The following NRXN3 variants were observed in gnomAD, a reference collection of about 807,000 sequenced individuals.
NRXN3 encodes neurexin 3.
Under a neutral mutation model 137.6 loss-of-function variants are expected in NRXN3, and 32 were observed. That is an observed-to-expected ratio of 0.23 (90% CI 0.18 to 0.31). The LOEUF (loss-of-function observed/expected upper bound fraction) is 0.31, where lower values mean the gene tolerates loss of function less well. Among genes scored for constraint, NRXN3 ranks in the 10% least tolerant of loss-of-function variants. NRXN3 has a pLI of 1.00. For synonymous variants in NRXN3, 798 were observed against 784.5 expected, an observed-to-expected ratio of 1.02 and a Z score of -0.29; for missense variants, 1,574 against 2,062.5, an observed-to-expected ratio of 0.76 and a Z score of 4.59.
chr14:78,593,402 A>G (rs891594605), intron 4 of NRXN3, among the ~76,000 whole-genome samples: 9 of 152,196 alleles, frequency 5.9e-5, no homozygotes, highest in Non-Finnish European at 8.8e-5. Context: ...GCACAGGGGC[A>G]GGATGTCTCT....
intron 4 of NRXN3, among the ~76,000 whole-genome samples, chr14:78,340,723 A>C (rs962238932): frequency 6.6e-6 from 1 of 152,204 alleles, no homozygotes; most frequent in Non-Finnish European, 1.5e-5. Flanking sequence ...TCTTCAGGGC[A>C]AGACCTGTAA....
chr14:79,645,614 CAAA>C (rs558284799), intron 16 of NRXN3, among the ~76,000 whole-genome samples: 7 of 89,604 alleles, frequency 7.8e-5, no homozygotes, highest in Admixed American at 4.0e-4. Flanking sequence ...GACTCTGTCT[CAAA>C]AAAAAAAAAA....
intron 6 of NRXN3, among the ~76,000 whole-genome samples, chr14:78,675,502 T>C (rs559918616): frequency 1.3e-5 from 2 of 152,220 alleles, no homozygotes; most frequent in Non-Finnish European, 2.9e-5. Context: ...TTTTCAGCAG[T>C]TCTGGAGTAG....
At chr14:78,976,555 T>C (rs79886512) in intron 14 of NRXN3, among the ~76,000 whole-genome samples, 1 of 152,216 alleles carries the variant, frequency 6.6e-6, no homozygotes, top group Non-Finnish European at 1.5e-5. Context: ...ATGAATATTG[T>C]CCTCCACCTC....
chr14:79,268,332 G>T (rs2153421158), intron 15 of NRXN3, among the ~76,000 whole-genome samples: 1 of 152,188 alleles, frequency 6.6e-6, no homozygotes, highest in African/African-American at 2.4e-5. Context: ...TATTTTGTCT[G>T]GCAATAATAT....
At chr14:79,368,472 A>G (rs987625125) in intron 15 of NRXN3, among the ~76,000 whole-genome samples, 2 of 152,210 alleles carry the variant, frequency 1.3e-5, no homozygotes, top group Admixed American at 6.5e-5. Flanking sequence ...TTTTACTTTA[A>G]AAGACTTTTA....
At chr14:78,450,506 G>A (rs1490425066) in intron 4 of NRXN3, among the ~76,000 whole-genome samples, 2 of 152,084 alleles carry the variant, frequency 1.3e-5, no homozygotes, top group East Asian at 1.9e-4. Flanking sequence ...TAAAGCCCTG[G>A]CTGATGATTT....
Position 78,803,655 on chromosome 14 carries a change from A to C in NRXN3, c.2080A>C (p.Met694Leu), listed in dbSNP as rs1389133926. The C allele has an allele frequency of 1.9e-6, 3 of 1,614,164 alleles. No individual in the cohort carries two copies. The highest frequency in any genetic ancestry group is 2.2e-5 in the East Asian group (1 of 44,874). The change falls in exon 9 of 21, where the codon ATG becomes CTG. Residue 694 changes from methionine (M) to leucine (L), a missense_variant. Coordinates refer to ENST00000335750, the MANE Select transcript of NRXN3 (RefSeq NM_001330195.2). ...SILSYDGSMYMKIIMPMVMHT... is the reference protein window; with the variant it reads ...SILSYDGSMYLKIIMPMVMHT... ...CCTGAGCTATGATGGTAGCATGTACATGAAGATCATCATGCCCATGGTCAT... is the reference window on the plus strand; with the variant it reads ...CCTGAGCTATGATGGTAGCATGTACCTGAAGATCATCATGCCCATGGTCAT...
At chr14:78,471,836 G>T (rs764680599) in intron 4 of NRXN3, among the ~76,000 whole-genome samples, 2 of 152,166 alleles carry the variant, frequency 1.3e-5, no homozygotes, top group East Asian at 1.9e-4. Context: ...TGCTAGTTGG[G>T]GCTTAGGCCC....
At chr14:79,811,742 C>T (rs1238078605) in intron 20 of NRXN3, among the ~76,000 whole-genome samples, 2 of 151,668 alleles carry the variant, frequency 1.3e-5, no homozygotes, top group Non-Finnish European at 1.5e-5. Context: ...CCACCACGCC[C>T]GGCTAATTTT....
chr14:79,810,670 T>G (rs554398524), intron 20 of NRXN3, among the ~76,000 whole-genome samples: 6 of 152,272 alleles, frequency 3.9e-5, no homozygotes, highest in East Asian at 3.9e-4. Flanking sequence ...CAAGATCACA[T>G]CTAGTATTTT....
intron 1 of NRXN3, among the ~76,000 whole-genome samples, chr14:78,178,921 A>G (rs376886576): frequency 4.6e-5 from 7 of 152,250 alleles, no homozygotes; most frequent in South Asian, 2.1e-4. Flanking sequence ...AGGTCTTCCA[A>G]TCAGCTCCTG....
chr14:78,462,065 G>A (rs761635445), intron 4 of NRXN3, among the ~76,000 whole-genome samples: 5 of 152,162 alleles, frequency 3.3e-5, no homozygotes, highest in Admixed American at 6.5e-5. Context: ...GCTTGAATGA[G>A]AGATAAATGA....
chr14:78,336,100 G>C (rs1387244452), intron 4 of NRXN3, among the ~76,000 whole-genome samples: 1 of 152,236 alleles, frequency 6.6e-6, no homozygotes, highest in African/African-American at 2.4e-5. Flanking sequence ...CCCCCATAGA[G>C]TATGATTCAA....
At chr14:78,564,483 CTGTT>C (rs1485409161) in intron 4 of NRXN3, among the ~76,000 whole-genome samples, 4 of 152,030 alleles carry the variant, frequency 2.6e-5, no homozygotes, top group African/African-American at 9.7e-5. Context: ...GCCAGAATCT[CTGTT>C]TGTTTAGAAA....
intron 15 of NRXN3, among the ~76,000 whole-genome samples, chr14:79,252,803 C>T (rs2076110130): frequency 6.6e-6 from 1 of 152,160 alleles, no homozygotes; most frequent in Non-Finnish European, 1.5e-5. Context: ...AACATACCTT[C>T]CCTCTGTTTT....
At chr14:79,676,389 C>G (rs1473602207) in intron 17 of NRXN3, among the ~76,000 whole-genome samples, 1 of 151,940 alleles carries the variant, frequency 6.6e-6, no homozygotes, top group Non-Finnish European at 1.5e-5. Flanking sequence ...CTTTCTCTTT[C>G]TATGTATTTC....
intron 1 of NRXN3, 77 bp downstream of exon 1, chr14:78,170,751 C>T (rs1012682457): frequency 2.0e-5 from 3 of 152,184 alleles, no homozygotes; most frequent in Non-Finnish European, 4.4e-5. Context: ...GAAGAGGTTG[C>T]TCCTGAGAGG....
chr14:79,826,246 A>C (rs1206409544), intron 20 of NRXN3, among the ~76,000 whole-genome samples: 2 of 151,116 alleles, frequency 1.3e-5, no homozygotes, highest in African/African-American at 4.9e-5. Flanking sequence ...GCCTGCCTTG[A>C]CCTCCCAAAG....
Sources: allele counts gnomAD v4.1 joint callset (sites outside exome capture counted in the v4.1 genomes callset), GRCh38; gene constraint gnomAD v4.1.1; transcripts MANE v1.5; gene names NCBI Gene and HGNC (gene_info 2026-07-23, HGNC 2026-07-21).